The following NFIL3 variants were observed in gnomAD, a reference collection of about 807,000 sequenced individuals.
NFIL3 encodes the protein nuclear factor, interleukin 3 regulated.
In NFIL3, 5 loss-of-function variants were observed where a neutral mutation model predicts 10.0. The observed-to-expected ratio is 0.50, with a 90% CI of 0.26 to 1.06. NFIL3 has a LOEUF of 1.06. Among genes scored for constraint, NFIL3 ranks in the 50% least tolerant of loss-of-function variants. The pLI is 0.13. For synonymous variants in NFIL3, 202 were observed against 206.5 expected (o/e 0.98, Z 0.19); for missense variants, 436 against 547.6 (o/e 0.80, Z 2.03).
upstream of NFIL3, chr9:91,427,052 A>G (rs1172847472): frequency 6.6e-6 from 1 of 152,100 alleles, no homozygotes; most frequent in Non-Finnish European, 1.5e-5. Flanking sequence ...CACAGCTCCA[A>G]TTACTCAAAA....
the NFIL3 span, among the ~76,000 whole-genome samples, chr9:91,471,694 C>T: frequency 6.6e-6 from 1 of 152,000 alleles, no homozygotes; most frequent in Admixed American, 6.6e-5. Context: ...GAGCATTTAA[C>T]CCATTTACAT....
chr9:91,430,650 T>TA, the NFIL3 span, among the ~76,000 whole-genome samples: 9 of 151,916 alleles, frequency 5.9e-5, no homozygotes, highest in East Asian at 3.9e-4. Flanking sequence ...TCTTTTTTAT[T>TA]AAAAAAAATG....
chr9:91,439,401 T>G, the NFIL3 span, among the ~76,000 whole-genome samples: 5 of 149,018 alleles, frequency 3.4e-5, no homozygotes, highest in African/African-American at 1.3e-4. Context: ...GTTCTAACTG[T>G]TTTTTTTCCC....
the NFIL3 span, among the ~76,000 whole-genome samples, chr9:91,461,793 C>T: frequency 1.3e-5 from 2 of 152,070 alleles, no homozygotes; most frequent in African/African-American, 4.8e-5. Flanking sequence ...ATTTCCTCAT[C>T]GCAATGTCCT....
At chr9:91,421,854 T>A (rs1833776828) in intron 1 of NFIL3, among the ~76,000 whole-genome samples, 1 of 152,254 alleles carries the variant, frequency 6.6e-6, no homozygotes, top group Non-Finnish European at 1.5e-5. Context: ...TGTTACGTTA[T>A]ATATACATCC....
At chr9:91,433,329 A>G in the NFIL3 span, among the ~76,000 whole-genome samples, 2 of 152,208 alleles carry the variant, frequency 1.3e-5, no homozygotes, top group Admixed American at 6.5e-5. Flanking sequence ...TCCTCTGCAC[A>G]CTTGGGATTG....
In NFIL3 at chr9:91,412,701, G is replaced by A. The variant is rs947818778; in HGVS notation, c.-172-1795C>T. ...TCTACTAAAAATACAAAAATTAGTC[G>A]GGTGTGGTGACAGGCGCCTGTAATC... On this transcript the variant is annotated intron_variant, in intron 1 of 1. Transcript: ENST00000297689. Among the ~76,000 whole-genome samples the A allele has an allele frequency of 5.3e-5, 8 of 151,886 alleles. No homozygotes were observed. The East Asian group carries it at 7.7e-4, about 15-fold the overall frequency.
At chr9:91,467,742 T>C in the NFIL3 span, among the ~76,000 whole-genome samples, 8 of 150,040 alleles carry the variant, frequency 5.3e-5, no homozygotes, top group African/African-American at 2.0e-4. Context: ...TGCGCCCAAG[T>C]GTTCTCATTG....
the NFIL3 span, among the ~76,000 whole-genome samples, chr9:91,469,016 G>A: frequency 6.6e-6 from 1 of 152,134 alleles, no homozygotes; most frequent in Admixed American, 6.6e-5. Context: ...GGCAATGTGG[G>A]CTCTTTTTTG....
upstream of NFIL3, among the ~76,000 whole-genome samples, chr9:91,425,036 TG>T (rs3841029): frequency 0.057 from 8,620 of 152,256 alleles, 310 homozygotes; most frequent in Middle Eastern, 0.14. Flanking sequence ...GTGCTGGCCT[TG>T]GCGAAGGGAG....
chr9:91,449,886 A>T, the NFIL3 span, among the ~76,000 whole-genome samples: 2 of 152,048 alleles, frequency 1.3e-5, no homozygotes, highest in Non-Finnish European at 2.9e-5. Flanking sequence ...TTCACTTGTT[A>T]TATAGGTCTG....
At chr9:91,426,041 A>G (rs950927065), upstream of NFIL3, among the ~76,000 whole-genome samples, 2 of 152,128 alleles carry the variant, frequency 1.3e-5, no homozygotes, top group Non-Finnish European at 2.9e-5. Flanking sequence ...TTTAAAGACA[A>G]CTCGACCTTC....
the NFIL3 span, among the ~76,000 whole-genome samples, chr9:91,443,197 G>A: frequency 6.6e-6 from 1 of 152,132 alleles, no homozygotes; most frequent in African/African-American, 2.4e-5. Context: ...GGTTTTTATG[G>A]GCTCAGAAGG....
intron 1 of NFIL3, among the ~76,000 whole-genome samples, chr9:91,411,796 G>C (rs1487494124): frequency 6.6e-6 from 1 of 152,006 alleles, no homozygotes; most frequent in Non-Finnish European, 1.5e-5. Flanking sequence ...TTACATAGTA[G>C]CTTTGAACTA....
the NFIL3 span, among the ~76,000 whole-genome samples, chr9:91,464,401 T>C: frequency 6.6e-6 from 1 of 152,206 alleles, no homozygotes; most frequent in East Asian, 1.9e-4. Context: ...TACTACTTCA[T>C]GGGTAGTGCA....
the NFIL3 span, among the ~76,000 whole-genome samples, chr9:91,433,138 A>G: frequency 3.3e-5 from 5 of 152,252 alleles, no homozygotes; most frequent in South Asian, 1.0e-3. Context: ...TATGTAGCAA[A>G]ACTAAAGCTT....
the NFIL3 span, among the ~76,000 whole-genome samples, chr9:91,481,201 A>T: frequency 1.3e-5 from 2 of 152,228 alleles, no homozygotes; most frequent in Admixed American, 1.3e-4. Context: ...ATCCTTATAG[A>T]CCTTATTCTT....
At chr9:91,424,953 C>T (rs1209465715), upstream of NFIL3, among the ~76,000 whole-genome samples, 4 of 152,266 alleles carry the variant, frequency 2.6e-5, no homozygotes, top group East Asian at 7.7e-4. Flanking sequence ...GCCGCGACTT[C>T]TTAAGTCGTC....
the NFIL3 span, among the ~76,000 whole-genome samples, chr9:91,451,421 T>C: frequency 1.3e-5 from 2 of 152,242 alleles, no homozygotes; most frequent in Non-Finnish European, 2.9e-5. Flanking sequence ...ATCATAACTC[T>C]TAACATACCA....
Sources: allele counts gnomAD v4.1 joint callset (sites outside exome capture counted in the v4.1 genomes callset), GRCh38; gene constraint gnomAD v4.1.1; transcripts MANE v1.5; gene names NCBI Gene and HGNC (gene_info 2026-07-23, HGNC 2026-07-21).